The following HPS4 variants were observed in gnomAD, a reference collection of about 807,000 sequenced individuals.
HPS4 encodes the protein BLOC-3 complex member HPS4.
In HPS4, 44 loss-of-function variants were observed where a neutral mutation model predicts 70.3. The ratio of observed to expected loss-of-function variants is 0.63; its 90% CI spans 0.49 to 0.80. The LOEUF is 0.80. HPS4 is among the 30% of genes least tolerant of loss of function. The pLI is 0.00. For missense variants in HPS4, 873 were observed against 884.4 expected, an observed-to-expected ratio of 0.99 and a Z score of 0.16; for synonymous variants, 377 against 355.9, an observed-to-expected ratio of 1.06 and a Z score of -0.67.
rs775463811 is a variant in HPS4 at position 26,458,591 on chromosome 22, G to A, written c.1714-14C>T. ...GCTGCTGTGGTACTGCAAAGGGGGA[G>A]AGGGTCATGGGCTTGTAGGGCTGAC... is the stretch of plus-strand genomic sequence containing the variant. On this transcript the variant is annotated splice_polypyrimidine_tract_variant and intron_variant, in intron 11 of 13. Transcript: ENST00000398145. 1.2e-6 allele frequency: 2 copies of A among 1,613,882 alleles called. No homozygotes were observed. Among genetic ancestry groups the A allele is most frequent in the African/African-American group, 1.3e-5 (1 of 75,010 alleles).
rs1448805882 is a variant in HPS4 at position 26,481,797 on chromosome 22, GTTT to G, written c.-38_-36del. 6.2e-7 allele frequency: 1 copy of G among 1,608,646 alleles called. No homozygotes were observed. Among genetic ancestry groups the G allele is most frequent in the Non-Finnish European group, 8.5e-7 (1 of 1,175,194 alleles). On this transcript the variant is annotated 5_prime_UTR_variant, in exon 2 of 14. Coordinates refer to ENST00000398145, the MANE Select transcript of HPS4 (RefSeq NM_022081.6). ...AGTCATCCTCATTCTCTTCATTTAG[GTTT>G]TCTTTTCCGGTATCACTTCTTTCTC... is the stretch of plus-strand genomic sequence containing the variant.
At chr22:26,458,043 G>T in intron 12 of HPS4, 76 bp from the exon 13 acceptor site, 1 of 1,188,352 alleles carries the variant, frequency 8.4e-7, no homozygotes, top group South Asian at 1.3e-5. Context: ...GCCCAGTACT[G>T]AACACGGGGA....
chr22:26,453,402 T>A lies in HPS4; in HGVS notation c.1958A>T (p.Asn653Ile). 6.2e-7 allele frequency: 1 copy of A among 1,613,852 alleles called. No individual in the cohort carries two copies. Among genetic ancestry groups the A allele is most frequent in the Non-Finnish European group, 8.5e-7 (1 of 1,180,012 alleles). Reference protein sequence around the residue: ...LPALYEMTVRNASTAVYACCN... With the variant: ...LPALYEMTVRIASTAVYACCN... ...ACAGGCGTACACAGCCGTGGAGGCA[T>A]TTCTGTTGGAGGAAGAAAGAAGGCA... is the stretch of plus-strand genomic sequence containing the variant. The change falls in exon 14 of 14, where the codon AAT (asparagine) becomes ATT (isoleucine). Residue 653 changes from asparagine (N) to isoleucine (I), a missense_variant and splice_region_variant. Transcript: ENST00000398145.
intron 11 of HPS4, among the ~76,000 whole-genome samples, chr22:26,460,839 T>C (rs1224270470): frequency 6.6e-6 from 1 of 152,226 alleles, no homozygotes; most frequent in Non-Finnish European, 1.5e-5. Flanking sequence ...AAAAGAATAA[T>C]ATTGTAACAT....
chr22:26,443,634 A>AAAAAAAAACT (rs767207973), downstream of HPS4: 463 of 151,856 alleles, frequency 3.0e-3, 10 homozygotes, highest in East Asian at 0.054. Flanking sequence ...AAAAAAAAAA[A>AAAAAAAAACT]AAACTAAAAA....
In HPS4 at chr22:26,482,056, CTAAG is replaced by C. The variant is rs2091337220; in HGVS notation, c.-298_-295del. ...AAGTCAAATCCATTCCTCTGGTTTC[CTAAG>C]TATCACTGTGGCTGTCTGCAGAACC... is the stretch of plus-strand genomic sequence containing the variant. On this transcript the variant is annotated 5_prime_UTR_variant, in exon 2 of 14. Coordinates refer to ENST00000398145, the MANE Select transcript of HPS4 (RefSeq NM_022081.6). 1 of 437,948 alleles carries C rather than the reference CTAAG, an allele frequency of 2.3e-6. No homozygotes were observed. The highest frequency in any genetic ancestry group is 2.2e-5 in the South Asian group (1 of 46,244). The allele number at this position is 437,948 out of a possible 1,614,324, so 27.1% of individuals were successfully genotyped here.
In HPS4 at chr22:26,465,645, C is replaced by G. The variant is rs563685515; in HGVS notation, c.707-94G>C. ...ACTGGCGTGATGCATCCAACCCACA[C>G]GTGGGCTCGGAAAGGGGTGCTGTGA... is the stretch of plus-strand genomic sequence containing the variant. On this transcript the variant is annotated intron_variant, in intron 9 of 13. Transcript: ENST00000398145. 2.6e-4 allele frequency: 265 copies of G among 1,033,640 alleles called. 4 individuals carry two copies. The South Asian group carries it at 3.3e-3, about 13-fold the overall frequency. The allele number at this position is 1,033,640 out of a possible 1,614,324, so 64.0% of individuals were successfully genotyped here. A position where few individuals can be genotyped will look rare whatever the true frequency, so the allele number is the denominator to read the frequency against.
intron 7 of HPS4, among the ~76,000 whole-genome samples, chr22:26,469,619 A>G (rs920473681): frequency 3.7e-4 from 56 of 151,770 alleles, no homozygotes; most frequent in Middle Eastern, 3.4e-3. Flanking sequence ...GCAGTTTGGG[A>G]AGCTGAGGAT....
In HPS4 at chr22:26,458,590, A is replaced by G. The variant is rs1284386208; in HGVS notation, c.1714-13T>C. 1.9e-6 allele frequency: 3 copies of G among 1,613,516 alleles called. No individual in the cohort carries two copies. The African/African-American group carries it at 4.0e-5, about 22-fold the overall frequency. On this transcript the variant is annotated splice_polypyrimidine_tract_variant and intron_variant, in intron 11 of 13. Coordinates refer to ENST00000398145, the MANE Select transcript of HPS4 (RefSeq NM_022081.6). ...GGCTGCTGTGGTACTGCAAAGGGGGAGAGGGTCATGGGCTTGTAGGGCTGA... is the reference window on the plus strand; with the variant it reads ...GGCTGCTGTGGTACTGCAAAGGGGGGGAGGGTCATGGGCTTGTAGGGCTGA...
At chr22:26,458,617 C>T (rs1391003733) in intron 11 of HPS4, 40 bp from the exon 12 acceptor site, 1 of 1,611,998 alleles carries the variant, frequency 6.2e-7, no homozygotes, top group Non-Finnish European at 8.5e-7. Flanking sequence ...TAGGGCTGAC[C>T]TCAGCAAGCC....
intron 5 of HPS4, 27 bp downstream of exon 5, chr22:26,472,805 T>C (rs1285415952): frequency 6.5e-7 from 1 of 1,542,094 alleles, no homozygotes; most frequent in Non-Finnish European, 9.0e-7. Flanking sequence ...AGGCCCAATG[T>C]AAGACTCCTC....
chr22:26,474,684 T>C (rs1198986901), intron 4 of HPS4, among the ~76,000 whole-genome samples: 2 of 152,104 alleles, frequency 1.3e-5, no homozygotes, highest in African/African-American at 4.8e-5. Context: ...TAAAAAGATG[T>C]ATCTGACAAA....
Position 26,464,717 on chromosome 22 carries a change from C to T in HPS4, c.913G>A (p.Ala305Thr). 1 of 1,601,636 alleles carries T rather than the reference C, an allele frequency of 6.2e-7. No homozygotes were observed. The highest frequency in any genetic ancestry group is 8.5e-7 in the Non-Finnish European group (1 of 1,172,298). ...GATGTGGGATCTGGGGTGGTCCAGG[C>T]CATGGATTCCACATGGCCAGTGGCG... ...ENATGHVESMAWTTPDPTSPD... is the reference protein window; with the variant it reads ...ENATGHVESMTWTTPDPTSPD... The change falls in exon 11 of 14, where the codon GCC becomes ACC. Residue 305 changes from alanine (A) to threonine (T), a missense_variant. Physicochemically the swap from Ala to Thr is moderately conservative, Grantham distance 58. Transcript: ENST00000398145.
At chr22:26,473,282 T>C (rs904390174) in intron 4 of HPS4, among the ~76,000 whole-genome samples, 3 of 152,202 alleles carry the variant, frequency 2.0e-5, no homozygotes, top group African/African-American at 7.2e-5. Context: ...ACCCTTGCAT[T>C]GTTAGGACTG....
At position 26,464,510 on chromosome 22, in the gene HPS4, T is replaced by G; in HGVS notation, c.1120A>C (p.Ile374Leu). ...ATTTCCACTTCCTGAGCCTCTGGAA[T>G]GTGGATTTCAGACAAGTCGAGTTCT... ...QEELDLSEIH[I>L]PEAQEVEMAS... The change falls in exon 11 of 14, where the codon ATT becomes CTT. Residue 374 changes from isoleucine to leucine, a missense_variant. Coordinates refer to ENST00000398145, the MANE Select transcript of HPS4 (RefSeq NM_022081.6). 1 of 1,614,162 alleles carries G rather than the reference T, an allele frequency of 6.2e-7. No individual in the cohort carries two copies. Among genetic ancestry groups the G allele is most frequent in the Non-Finnish European group, 8.5e-7 (1 of 1,180,024 alleles).
rs1328741670 is a variant in HPS4 at position 26,467,441 on chromosome 22, T to C, written c.669+1110A>G. The C allele has an allele frequency of 5.3e-5, 8 of 152,376 alleles. 2 individuals carry two copies. In the East Asian group the frequency reaches 1.5e-3, roughly 29 times the overall value. 9.4% of individuals were successfully genotyped at this position (152,376 alleles called of 1,614,324 possible). ...AGTTTTGTCTGATTTTTCACTTTCA[T>C]AAAGCTTGTTGTGATCAAGTTTTGA... On this transcript the variant is annotated intron_variant, in intron 8 of 13. Transcript: ENST00000398145.
intron 13 of HPS4, among the ~76,000 whole-genome samples, chr22:26,457,575 A>C (rs759912711): frequency 3.9e-5 from 6 of 152,224 alleles, no homozygotes; most frequent in Non-Finnish European, 5.9e-5. Context: ...AGACGGAGCC[A>C]CCGTCCCTAG....
chr22:26,477,477 A>G (rs1192550737), intron 3 of HPS4, among the ~76,000 whole-genome samples: 1 of 152,210 alleles, frequency 6.6e-6, no homozygotes, highest in African/African-American at 2.4e-5. Flanking sequence ...TTATAGGCAT[A>G]TGCTTAGCAG....
intron 2 of HPS4, among the ~76,000 whole-genome samples, chr22:26,480,328 T>G (rs557055217): frequency 8.5e-4 from 129 of 152,278 alleles, no homozygotes; most frequent in African/African-American, 3.0e-3. Context: ...TGTGCCATCA[T>G]GCTCGGCTAT....
Sources: gnomAD v4.1 joint callset for allele counts (sites outside exome capture counted in the v4.1 genomes callset) on GRCh38, gnomAD v4.1.1 for gene constraint, MANE v1.5 for transcripts, NCBI Gene and HGNC (gene_info 2026-07-23, HGNC 2026-07-21) for gene names.